Variants in SNRPB observed in about 807,000 individuals in gnomAD.
SNRPB encodes small nuclear ribonucleoprotein polypeptides B and B1.
In SNRPB, 5 loss-of-function variants were observed where a neutral mutation model predicts 26.6. The observed-to-expected ratio is 0.19, with a 90% CI of 0.10 to 0.39. The LOEUF (loss-of-function observed/expected upper bound fraction) is 0.39. Among genes scored for constraint, SNRPB ranks in the 10% least tolerant of loss-of-function variants. The pLI, the probability that SNRPB is intolerant of heterozygous loss-of-function variation, is 1.00. For synonymous variants in SNRPB, 122 were observed against 105.8 expected (o/e 1.15, Z -0.94); for missense variants, 211 against 311.9 (o/e 0.68, Z 2.44).
chr20:2,465,691 T>G lies in SNRPB; in HGVS notation c.267+17A>C. 1 of 1,563,834 alleles carries G rather than the reference T, an allele frequency of 6.4e-7. No individual in the cohort carries two copies. Among genetic ancestry groups the G allele is most frequent in the Non-Finnish European group, 8.8e-7 (1 of 1,134,384 alleles). ...TAGGGCCTCCCCTCCTCCACAAGGC[T>G]TCCTGCTCTGACTTACATCTTTGGG... On this transcript the variant is annotated intron_variant, in intron 3 of 6. Transcript: ENST00000381342.
At chr20:2,462,865 C>T in intron 5 of SNRPB, 104 bp from the exon 6 acceptor site, 1 of 1,068,344 alleles carries the variant, frequency 9.4e-7, no homozygotes, top group Non-Finnish European at 1.4e-6. Context: ...ATGGACCATT[C>T]CACCCTCTCA....
Position 2,461,773 on chromosome 20 carries a change from G to GC in SNRPB, c.*155dup. The GC allele has an allele frequency of 6.2e-7, 1 of 1,609,346 alleles. No individual in the cohort carries two copies. The highest frequency in any genetic ancestry group is 8.5e-7 in the Non-Finnish European group (1 of 1,177,318). The stretch of plus-strand genomic sequence containing the variant: ...AGATGAGTCTAGGGCCTTGGTGGGC[G>GC]CATTCCCGGGGGAGGGGGCCCTGTA... On this transcript the variant is annotated 3_prime_UTR_variant, in exon 7 of 7. Transcript: ENST00000381342.
intron 2 of SNRPB, among the ~76,000 whole-genome samples, chr20:2,466,178 G>C (rs1000063087): frequency 6.6e-6 from 1 of 152,158 alleles, no homozygotes; most frequent in African/African-American, 2.4e-5. Context: ...ACATCAGGAG[G>C]CTGCCTAAAC....
At chr20:2,468,648 G>A (rs946771216) in intron 1 of SNRPB, among the ~76,000 whole-genome samples, 14 of 152,272 alleles carry the variant, frequency 9.2e-5, no homozygotes, top group Non-Finnish European at 1.8e-4. Flanking sequence ...CTCCATGGCC[G>A]GGCTCAGTGG....
chr20:2,461,784 G>A lies in SNRPB; in HGVS notation c.*145C>T. ...GGGCCTTGGTGGGCGCATTCCCGGG[G>A]GAGGGGGCCCTGTAAGGGAAACCAG... On this transcript the variant is annotated 3_prime_UTR_variant, in exon 7 of 7. Coordinates refer to ENST00000381342, the MANE Select transcript of SNRPB (RefSeq NM_003091.4). 6.2e-7 allele frequency: 1 copy of A among 1,612,508 alleles called. No individual in the cohort carries two copies.
At position 2,462,054 on chromosome 20, in the gene SNRPB, T is replaced by C. The variant is rs777855644; in HGVS notation, c.686-115A>G. ...AGTGAGGAGAGGGGTATACATGGCA[T>C]ATGTGCTAACTAGGGACTACTCTGA... On this transcript the variant is annotated intron_variant, in intron 6 of 6. Coordinates refer to ENST00000381342, the MANE Select transcript of SNRPB (RefSeq NM_003091.4). The C allele has an allele frequency of 1.1e-4, 80 of 714,454 alleles. 1 individual carries two copies. The highest frequency in any genetic ancestry group is 2.6e-4 in the Admixed American group (11 of 41,612). The allele number at this position is 714,454 out of a possible 1,614,324, so 44.3% of individuals were successfully genotyped here. A position where few individuals can be genotyped will look rare whatever the true frequency, so the allele number is the denominator to read the frequency against.
In SNRPB at chr20:2,469,348, T is replaced by G. The variant is rs184786173; in HGVS notation, c.3+1340A>C. On this transcript the variant is annotated intron_variant, in intron 1 of 6. Transcript: ENST00000381342. ...TCCCATCGAATATACATGCCAGAGC[T>G]AGAGCAATCTTTCTAAACACCACTA... Among the ~76,000 whole-genome samples the G allele has an allele frequency of 7.5e-4, 114 of 152,302 alleles. 1 individual carries two copies. Among genetic ancestry groups the G allele is most frequent in the African/African-American group, 2.5e-3 (106 of 41,570 alleles).
Position 2,463,064 on chromosome 20 carries a change from A to G in SNRPB, c.559+25T>C, listed in dbSNP as rs2085046753. ...GCTAAGGCATCTTCTATCAATTAGC[A>G]CTGGTCTCCTTATGGGCTCCTCACC... On this transcript the variant is annotated intron_variant, in intron 5 of 6. Coordinates refer to ENST00000381342, the MANE Select transcript of SNRPB (RefSeq NM_003091.4). The surrounding 1 kb of genome is among the most constrained non-coding windows in gnomAD (Gnocchi z 5.0). The G allele has an allele frequency of 1.3e-6, 2 of 1,526,542 alleles. No individual in the cohort carries two copies. The highest frequency in any genetic ancestry group is 1.3e-5 in the South Asian group (1 of 76,736). The allele number at this position is 1,526,542 out of a possible 1,614,324, so 94.6% of individuals were successfully genotyped here.
Position 2,470,746 on chromosome 20 carries a change from C to A in SNRPB, c.-56G>T. On this transcript the variant is annotated 5_prime_UTR_variant, in exon 1 of 7. Transcript: ENST00000381342. ...CGGATTCGCCTCCTCAGAGGCCTAGCCTCTCTCCCACAGCCGATTTCCCGC... is the reference window on the plus strand; with the variant it reads ...CGGATTCGCCTCCTCAGAGGCCTAGACTCTCTCCCACAGCCGATTTCCCGC... 1 of 1,607,620 alleles carries A rather than the reference C, an allele frequency of 6.2e-7. No individual in the cohort carries two copies. Among genetic ancestry groups the A allele is most frequent in the African/African-American group, 1.3e-5 (1 of 74,988 alleles).
intron 2 of SNRPB, chr20:2,467,288 G>C (rs914299453): frequency 2.0e-6 from 1 of 498,892 alleles, no homozygotes; most frequent in Non-Finnish European, 3.9e-6. Flanking sequence ...AATGAGGCCA[G>C]AAACTCAAGC....
chr20:2,463,897 A>G lies in SNRPB; in HGVS notation c.270T>C (p.Thr90=). The G allele has an allele frequency of 6.2e-7, 1 of 1,612,732 alleles. No homozygotes were observed. ...MTVEGPPPKD[T]GIARVPLAGA... is the part of the protein sequence containing the mutation. The stretch of plus-strand genomic sequence containing the variant: ...CAGCAAGTGGAACTCGAGCAATACC[A>G]GTCTGAAAAATAAACAAATATGCTC... The change falls in exon 4 of 7, where the codon ACT becomes ACC. Residue 90 remains threonine (T), a splice_region_variant and synonymous_variant. Transcript: ENST00000381342. The surrounding 1 kb of genome is among the most constrained non-coding windows in gnomAD (Gnocchi z 5.0).
At chr20:2,465,390 CTT>C (rs1222595485) in intron 3 of SNRPB, among the ~76,000 whole-genome samples, 10 of 122,262 alleles carry the variant, frequency 8.2e-5, no homozygotes, top group East Asian at 2.5e-4. Context: ...AGGGTAACCT[CTT>C]TTTTTTTTTT....
chr20:2,470,005 A>C (rs950528945), intron 1 of SNRPB, among the ~76,000 whole-genome samples: 1 of 152,224 alleles, frequency 6.6e-6, no homozygotes, highest in Non-Finnish European at 1.5e-5. Context: ...TATTTGAGAA[A>C]ACATTCTTAC....
intron 2 of SNRPB, chr20:2,467,152 A>G (rs2122492606): frequency 2.8e-6 from 1 of 362,698 alleles, no homozygotes; most frequent in South Asian, 2.0e-5. Flanking sequence ...GCCAACAAAA[A>G]TCACTGGCCC....
In SNRPB at chr20:2,470,601, A is replaced by G. The variant is rs535420280; in HGVS notation, c.3+87T>C. On this transcript the variant is annotated intron_variant, in intron 1 of 6. Coordinates refer to ENST00000381342, the MANE Select transcript of SNRPB (RefSeq NM_003091.4). Reference sequence around the variant, plus strand: ...GCCTTCACCGCCCTAAGTGGCTCCAACCCACGGCTTCCTCCCCGATCAGTC... The same window carrying G: ...GCCTTCACCGCCCTAAGTGGCTCCAGCCCACGGCTTCCTCCCCGATCAGTC... 746 of 1,567,052 alleles carry G rather than the reference A, an allele frequency of 4.8e-4. 4 individuals are homozygous for G. Among genetic ancestry groups the G allele is most frequent in the South Asian group, 2.8e-4 (25 of 89,582 alleles).
chr20:2,464,669 G>T (rs954427397), intron 3 of SNRPB, among the ~76,000 whole-genome samples: 2 of 152,160 alleles, frequency 1.3e-5, no homozygotes, highest in African/African-American at 4.8e-5. Flanking sequence ...GATAATATAT[G>T]TGGATTTTTA....
rs2085108318 is a variant in SNRPB, at chr20:2,470,691, G to A, written c.-1C>T. 1.9e-6 allele frequency: 3 copies of A among 1,613,570 alleles called. No individual in the cohort carries two copies. The highest frequency in any genetic ancestry group is 2.5e-6 in the Non-Finnish European group (3 of 1,180,004). On this transcript the variant is annotated 5_prime_UTR_variant, in exon 1 of 7. Coordinates refer to ENST00000381342, the MANE Select transcript of SNRPB (RefSeq NM_003091.4). The stretch of plus-strand genomic sequence containing the variant: ...CGCCAGCCTGTGCCCTCCTTACCAT[G>A]GTGGCGGTTCTGATGGCTCTGATAC...
intron 3 of SNRPB, among the ~76,000 whole-genome samples, chr20:2,464,156 A>C (rs1336087618): frequency 6.6e-6 from 1 of 152,232 alleles, no homozygotes; most frequent in Non-Finnish European, 1.5e-5. Flanking sequence ...CACTCCTGTG[A>C]AAGTTAAACC....
intron 2 of SNRPB, among the ~76,000 whole-genome samples, chr20:2,466,997 T>C (rs935863691): frequency 6.6e-6 from 1 of 152,226 alleles, no homozygotes; most frequent in African/African-American, 2.4e-5. Context: ...TCAAGTAGCC[T>C]TGAATGTAAA....
Sources: allele counts gnomAD v4.1 joint callset (sites outside exome capture counted in the v4.1 genomes callset), GRCh38; gene constraint gnomAD v4.1.1; non-coding constraint Gnocchi (gnomAD v3.1); transcripts MANE v1.5; gene names NCBI Gene and HGNC (gene_info 2026-07-23, HGNC 2026-07-21).